DGKB: variants seen among roughly 807,000 people sequenced by gnomAD.
DGKB encodes 90 kDa diacylglycerol kinase.
A neutral mutation model predicts 114.3 loss-of-function variants in DGKB; 67 were observed. The ratio of observed to expected loss-of-function variants is 0.59; its 90% confidence interval spans 0.48 to 0.72. DGKB has a LOEUF of 0.72. Among genes scored for constraint, DGKB ranks in the 30% least tolerant of loss-of-function variants. The pLI is 0.00. For missense variants in DGKB, 907 were observed against 975.2 expected (o/e 0.93, Z 0.93); for synonymous variants, 398 against 323.1 (o/e 1.23, Z -2.49).
At chr7:14,972,837 CAGATACTT>C (rs1787554550) in intron 1 of DGKB, among the ~76,000 whole-genome samples, 1 of 152,012 alleles carries the variant, frequency 6.6e-6, no homozygotes, top group African/African-American at 2.4e-5. Flanking sequence ...GAAGAATATG[CAGATACTT>C]ATCTTTCCAC....
intron 21 of DGKB, among the ~76,000 whole-genome samples, chr7:14,440,216 C>T (rs1310332412): frequency 6.6e-6 from 1 of 152,102 alleles, no homozygotes; most frequent in Non-Finnish European, 1.5e-5. Context: ...TTCAGATTTG[C>T]CTAATCACAA....
chr7:14,453,816 T>G (rs1412770607), intron 21 of DGKB, among the ~76,000 whole-genome samples: 2 of 152,116 alleles, frequency 1.3e-5, no homozygotes, highest in African/African-American at 4.8e-5. Context: ...GTGACCTTGG[T>G]TGTGTTCCAC....
At chr7:14,509,340 T>C (rs1278507105) in intron 20 of DGKB, among the ~76,000 whole-genome samples, 2 of 152,080 alleles carry the variant, frequency 1.3e-5, no homozygotes, top group African/African-American at 4.8e-5. Flanking sequence ...AAAGTCTCCC[T>C]ATTGCCTTCA....
At chr7:14,430,161 T>G (rs1291382244) in intron 21 of DGKB, among the ~76,000 whole-genome samples, 1 of 152,152 alleles carries the variant, frequency 6.6e-6, no homozygotes, top group East Asian at 1.9e-4. Flanking sequence ...GATGGCTTCC[T>G]TGCACTTTCA....
chr7:14,523,483 C>T (rs993223117), intron 20 of DGKB, among the ~76,000 whole-genome samples: 1 of 152,134 alleles, frequency 6.6e-6, no homozygotes, highest in East Asian at 1.9e-4. Context: ...GTTCAGTCAA[C>T]AGCCTACAGT....
intron 23 of DGKB, among the ~76,000 whole-genome samples, chr7:14,308,100 T>C (rs1465678318): frequency 2.0e-5 from 3 of 152,112 alleles, no homozygotes; most frequent in Non-Finnish European, 4.4e-5. Flanking sequence ...TAATTGCTTT[T>C]CTTTTTATGT....
chr7:14,446,492 T>C (rs1416102785), intron 21 of DGKB, among the ~76,000 whole-genome samples: 1 of 152,106 alleles, frequency 6.6e-6, no homozygotes, highest in Non-Finnish European at 1.5e-5. Flanking sequence ...GCACATGACA[T>C]ACAGACAGAC....
At chr7:14,659,605 T>G (rs1436466940) in intron 13 of DGKB, among the ~76,000 whole-genome samples, 7 of 147,976 alleles carry the variant, frequency 4.7e-5, no homozygotes, top group Non-Finnish European at 1.0e-4. Flanking sequence ...TTTGCTGAAG[T>G]TGCTTATCAG....
At chr7:14,236,571 C>T (rs562755341) in intron 23 of DGKB, among the ~76,000 whole-genome samples, 9 of 151,852 alleles carry the variant, frequency 5.9e-5, no homozygotes, top group African/African-American at 4.8e-5. Context: ...CTGTAATTTT[C>T]GTGAAATAAT....
At chr7:14,214,712 G>GTT (rs1469350552) in intron 23 of DGKB, among the ~76,000 whole-genome samples, 1 of 152,064 alleles carries the variant, frequency 6.6e-6, no homozygotes, top group Non-Finnish European at 1.5e-5. Context: ...AAAAGGAAAA[G>GTT]TTTAGGAAGA....
intron 20 of DGKB, among the ~76,000 whole-genome samples, chr7:14,567,079 T>A (rs927613895): frequency 3.2e-5 from 4 of 125,252 alleles, no homozygotes; most frequent in African/African-American, 9.0e-5. Flanking sequence ...TATATATATA[T>A]AAAAAATTAT....
intron 21 of DGKB, among the ~76,000 whole-genome samples, chr7:14,475,096 T>G (rs377432469): frequency 6.6e-6 from 1 of 152,166 alleles, no homozygotes; most frequent in African/African-American, 2.4e-5. Context: ...TTAATTTCCT[T>G]AAGATAATGT....
intron 1 of DGKB, among the ~76,000 whole-genome samples, chr7:14,947,756 C>A (rs770529008): frequency 6.6e-6 from 1 of 151,520 alleles, no homozygotes; most frequent in South Asian, 2.1e-4. Flanking sequence ...TCCCCAGAAC[C>A]TTTTTGGTCC....
chr7:14,399,432 G>T (rs978993032), intron 21 of DGKB, among the ~76,000 whole-genome samples: 1 of 151,480 alleles, frequency 6.6e-6, no homozygotes, highest in Non-Finnish European at 1.5e-5. Context: ...TATGTAACTT[G>T]TTTGATATTA....
chr7:14,849,145 G>A (rs373643368), intron 1 of DGKB, among the ~76,000 whole-genome samples: 2 of 151,966 alleles, frequency 1.3e-5, no homozygotes, highest in African/African-American at 4.8e-5. Context: ...TAGGAAATGT[G>A]GACAGGTAAG....
intron 13 of DGKB, among the ~76,000 whole-genome samples, chr7:14,650,011 C>A (rs1332291352): frequency 2.0e-5 from 3 of 151,512 alleles, no homozygotes; most frequent in Admixed American, 1.3e-4. Context: ...CCTGAGTGAC[C>A]TACAAAGAGA....
intron 23 of DGKB, among the ~76,000 whole-genome samples, chr7:14,208,680 G>A (rs774535143): frequency 4.0e-5 from 6 of 151,898 alleles, no homozygotes; most frequent in East Asian, 3.9e-4. Flanking sequence ...TAAAGGAACC[G>A]GCTTTATTGG....
chr7:14,752,135 C>A (rs1251430672), intron 4 of DGKB, among the ~76,000 whole-genome samples: 1 of 152,110 alleles, frequency 6.6e-6, no homozygotes, highest in African/African-American at 2.4e-5. Context: ...CATATTTTCT[C>A]TGTTATACTT....
intron 23 of DGKB, among the ~76,000 whole-genome samples, chr7:14,247,762 C>T (rs73069629): frequency 0.09 from 13,747 of 151,922 alleles, 891 homozygotes; most frequent in African/African-American, 0.18. Flanking sequence ...TTATCAGACG[C>T]ATAATTTACA....
Sources: allele counts gnomAD v4.1 joint callset (sites outside exome capture counted in the v4.1 genomes callset), GRCh38; gene constraint gnomAD v4.1.1; transcripts MANE v1.5; gene names NCBI Gene and HGNC (gene_info 2026-07-23, HGNC 2026-07-21).